CORO2B: variants seen among roughly 807,000 people sequenced by gnomAD.
CORO2B encodes coronin 2B.
A neutral mutation model predicts 58.8 loss-of-function variants in CORO2B; 26 were observed. The observed-to-expected ratio is 0.44, with a 90% CI of 0.32 to 0.61. The LOEUF (loss-of-function observed/expected upper bound fraction) is 0.61, where lower values mean the gene tolerates loss of function less well. Among genes scored for constraint, CORO2B ranks in the 20% least tolerant of loss-of-function variants. The pLI is 0.04. For missense variants in CORO2B, 460 were observed against 645.1 expected, an observed-to-expected ratio of 0.71 and a Z score of 3.11; for synonymous variants, 242 against 253.8, an observed-to-expected ratio of 0.95 and a Z score of 0.44.
chr15:68,531,555 G>GGAAAGAAAGAAAGAAAGA, the CORO2B span, among the ~76,000 whole-genome samples: 3 of 77,798 alleles, frequency 3.9e-5, no homozygotes, highest in Non-Finnish European at 7.8e-5. Context: ...AAGGAAGGAA[G>GGAAAGAAAGAAAGAAAGA]GAAAGAAAGA....
the CORO2B span, among the ~76,000 whole-genome samples, chr15:68,572,389 T>C: frequency 6.6e-6 from 1 of 152,164 alleles, no homozygotes; most frequent in African/African-American, 2.4e-5. Context: ...TGTAACCTCC[T>C]TGTCTTCGGT....
At chr15:68,536,920 A>G in the CORO2B span, among the ~76,000 whole-genome samples, 6 of 152,206 alleles carry the variant, frequency 3.9e-5, no homozygotes, top group Non-Finnish European at 8.8e-5. Flanking sequence ...ACCTGGAGCC[A>G]GGAAGTGATG....
At chr15:68,621,143 A>G (rs1447950415) in intron 1 of CORO2B, among the ~76,000 whole-genome samples, 2 of 152,084 alleles carry the variant, frequency 1.3e-5, no homozygotes, top group African/African-American at 4.8e-5. Flanking sequence ...AGGTGTAGGG[A>G]CCCTCAAGGC....
At chr15:68,691,125 C>A (rs1162824456) in intron 2 of CORO2B, among the ~76,000 whole-genome samples, 1 of 150,698 alleles carries the variant, frequency 6.6e-6, no homozygotes, top group African/African-American at 2.4e-5. Context: ...GTCAGGAGAT[C>A]GAGACCATCC....
the CORO2B span, among the ~76,000 whole-genome samples, chr15:68,532,723 G>A: frequency 5.3e-5 from 8 of 152,068 alleles, no homozygotes; most frequent in African/African-American, 1.4e-4. Context: ...TGAATATTAC[G>A]CTGTTCAGTA....
intron 2 of CORO2B, among the ~76,000 whole-genome samples, chr15:68,673,340 A>G (rs1486078043): frequency 7.2e-6 from 1 of 138,066 alleles, no homozygotes; most frequent in Admixed American, 7.7e-5. Context: ...GTTCCAAACC[A>G]GCCTGGGCAA....
rs557757847 is a variant in CORO2B, at chr15:68,727,687, C to T, written c.*1713C>T. 1 of 152,598 alleles carries T rather than the reference C, an allele frequency of 6.6e-6. No homozygotes were observed. The highest frequency in any genetic ancestry group is 2.4e-5 in the African/African-American group (1 of 41,420). 9.5% of individuals were successfully genotyped at this position (152,598 alleles called of 1,614,324 possible). ...GCTAGACAGTGTCAGCACTCATCTC[C>T]TCCTCCCACATTTCTGGAGCTTTTT... On this transcript the variant is annotated 3_prime_UTR_variant, in exon 12 of 12. Transcript: ENST00000261861.
intron 5 of CORO2B, among the ~76,000 whole-genome samples, chr15:68,713,127 C>A (rs1279766735): frequency 6.6e-6 from 1 of 152,122 alleles, no homozygotes; most frequent in Admixed American, 6.5e-5. Context: ...GGAAAGGAGG[C>A]CCAAGACAGC....
chr15:68,709,150 A>G (rs796372453), intron 3 of CORO2B, among the ~76,000 whole-genome samples: 6 of 152,328 alleles, frequency 3.9e-5, no homozygotes, highest in East Asian at 1.9e-4. Flanking sequence ...ATCTTCATGC[A>G]TGGAGATTTT....
chr15:68,545,612 C>CGGG, the CORO2B span, among the ~76,000 whole-genome samples: 2,624 of 53,260 alleles, frequency 0.049, 131 homozygotes, highest in Middle Eastern at 0.12. Context: ...ATGCGGGGGG[C>CGGG]GGGGGGGGTA....
At chr15:68,585,787 G>A (rs1022808935) in intron 1 of CORO2B, among the ~76,000 whole-genome samples, 2 of 152,328 alleles carry the variant, frequency 1.3e-5, no homozygotes, top group East Asian at 3.9e-4. Context: ...CTTTACTGGA[G>A]CTAGGAGTCA....
At chr15:68,590,179 T>C (rs1899664967) in intron 1 of CORO2B, among the ~76,000 whole-genome samples, 1 of 150,698 alleles carries the variant, frequency 6.6e-6, no homozygotes, top group Non-Finnish European at 1.5e-5. Flanking sequence ...GGAGGGAGAG[T>C]GGGTGGAGGG....
intron 6 of CORO2B, among the ~76,000 whole-genome samples, chr15:68,714,297 C>T (rs1892983106): frequency 6.6e-6 from 1 of 152,164 alleles, no homozygotes; most frequent in Non-Finnish European, 1.5e-5. Context: ...GAGAGACTTA[C>T]CTGGGGACAC....
At chr15:68,690,649 T>TTC (rs1555416868) in intron 2 of CORO2B, among the ~76,000 whole-genome samples, 5 of 141,336 alleles carry the variant, frequency 3.5e-5, no homozygotes, top group Non-Finnish European at 3.0e-5. Flanking sequence ...TAGCTTTCTT[T>TTC]TTTTTTTTTT....
intron 1 of CORO2B, among the ~76,000 whole-genome samples, chr15:68,633,707 C>T (rs926806172): frequency 2.6e-5 from 4 of 151,964 alleles, no homozygotes; most frequent in Non-Finnish European, 5.9e-5. Context: ...TTCAACTTCT[C>T]CTTTCTCACA....
intron 1 of CORO2B, among the ~76,000 whole-genome samples, chr15:68,628,924 A>C (rs1191623567): frequency 6.6e-6 from 1 of 152,182 alleles, no homozygotes; most frequent in Non-Finnish European, 1.5e-5. Context: ...GGGCAGGATG[A>C]GAATGTGGGA....
At chr15:68,657,854 C>T (rs1016706130) in intron 2 of CORO2B, among the ~76,000 whole-genome samples, 6 of 152,180 alleles carry the variant, frequency 3.9e-5, no homozygotes, top group African/African-American at 1.4e-4. Flanking sequence ...ACTCACAAAC[C>T]TCCTAACAGG....
At chr15:68,600,149 CAACA>C (rs957123819) in intron 1 of CORO2B, among the ~76,000 whole-genome samples, 2 of 152,218 alleles carry the variant, frequency 1.3e-5, no homozygotes, top group African/African-American at 4.8e-5. Context: ...AAGATTTCTT[CAACA>C]AACAAACAAG....
chr15:68,652,858 G>A (rs779579200), intron 2 of CORO2B, among the ~76,000 whole-genome samples: 4 of 152,210 alleles, frequency 2.6e-5, no homozygotes, highest in Non-Finnish European at 5.9e-5. Context: ...CCAGTCATGT[G>A]CCTGCCCACC....
Sources: gnomAD v4.1 joint callset for allele counts (sites outside exome capture counted in the v4.1 genomes callset) on GRCh38, gnomAD v4.1.1 for gene constraint, MANE v1.5 for transcripts, NCBI Gene and HGNC (gene_info 2026-07-23, HGNC 2026-07-21) for gene names.